PID1: variants seen among roughly 807,000 people sequenced by gnomAD.
PID1 encodes phosphotyrosine interaction domain containing 1, also known as PTB-containing, cubilin and LRP1-interacting protein.
Under a neutral mutation model 19.1 loss-of-function variants are expected in PID1, and 10 were observed. The ratio of observed to expected loss-of-function variants is 0.52; its 90% CI spans 0.32 to 0.89. The LOEUF is 0.89. PID1 is among the 40% of genes least tolerant of loss of function. The probability of loss-of-function intolerance (pLI) is 0.03; values close to 1 mark genes in which losing one functional copy is unlikely to be tolerated. For missense variants in PID1, 248 were observed against 285.3 expected (o/e 0.87, Z 0.94); for synonymous variants, 130 against 116.0 (o/e 1.12, Z -0.78).
chr2:229,036,557 TG>T (rs1158592190), intron 2 of PID1, among the ~76,000 whole-genome samples: 6 of 152,056 alleles, frequency 3.9e-5, no homozygotes, highest in African/African-American at 1.4e-4. Context: ...GAGACCAGCC[TG>T]GCCAACACAG....
chr2:229,043,010 T>A (rs1353703683), intron 2 of PID1, among the ~76,000 whole-genome samples: 1 of 47,836 alleles, frequency 2.1e-5, no homozygotes, highest in African/African-American at 6.9e-5. Context: ...AAGGGAGAAA[T>A]TTTTTTTTTT....
intron 2 of PID1, among the ~76,000 whole-genome samples, chr2:229,032,590 C>G (rs1263443941): frequency 6.6e-6 from 1 of 152,106 alleles, no homozygotes; most frequent in Non-Finnish European, 1.5e-5. Flanking sequence ...ACCCAGGGTG[C>G]TGGAACAAAG....
At chr2:229,031,474 T>G (rs1269666026) in intron 2 of PID1, among the ~76,000 whole-genome samples, 1 of 151,654 alleles carries the variant, frequency 6.6e-6, no homozygotes, top group Non-Finnish European at 1.5e-5. Flanking sequence ...GAGAACTGCT[T>G]GAACCTGAAG....
intron 2 of PID1, among the ~76,000 whole-genome samples, chr2:229,072,294 G>T (rs940573621): frequency 6.6e-6 from 1 of 152,134 alleles, no homozygotes; most frequent in African/African-American, 2.4e-5. Context: ...TATGCTAATT[G>T]TATAAAACTA....
At chr2:229,132,191 T>C (rs1689757087) in intron 2 of PID1, among the ~76,000 whole-genome samples, 1 of 152,174 alleles carries the variant, frequency 6.6e-6, no homozygotes, top group African/African-American at 2.4e-5. Flanking sequence ...GGATAAAGAA[T>C]TAATAGACAA....
Position 229,262,910 on chromosome 2 carries a change from T to C in PID1, c.30+8104A>G, listed in dbSNP as rs555035627. 6 of 1,486,076 alleles carry C rather than the reference T, an allele frequency of 4.0e-6. No individual in the cohort carries two copies. In the South Asian group the frequency reaches 6.9e-5, roughly 17 times the overall value. 92.1% of individuals were successfully genotyped at this position (1,486,076 alleles called of 1,614,324 possible). ...AAATCTCTCCTTATAAGGACATTAGTCATTGGCTCTAGGGTTCACCCTAAT... is the reference window on the plus strand; with the variant it reads ...AAATCTCTCCTTATAAGGACATTAGCCATTGGCTCTAGGGTTCACCCTAAT... On this transcript the variant is annotated intron_variant, in intron 1 of 2. Transcript: ENST00000392055.
intron 2 of PID1, among the ~76,000 whole-genome samples, chr2:229,051,571 C>T (rs1301678370): frequency 6.6e-6 from 1 of 152,126 alleles, no homozygotes; most frequent in Non-Finnish European, 1.5e-5. Context: ...CTCCAGAGCC[C>T]AAGCGATCTG....
At chr2:229,174,357 C>T (rs776408857) in intron 1 of PID1, among the ~76,000 whole-genome samples, 12 of 152,138 alleles carry the variant, frequency 7.9e-5, no homozygotes, top group South Asian at 4.1e-4. Flanking sequence ...ACGGAGCTCA[C>T]GGTCAGGTAA....
intron 1 of PID1, among the ~76,000 whole-genome samples, chr2:229,161,381 C>T (rs141400990): frequency 3.2e-4 from 49 of 152,216 alleles, no homozygotes; most frequent in African/African-American, 1.2e-3. Context: ...CATCCAGGGA[C>T]CCACCTAGAA....
At chr2:229,148,733 A>C (rs1227912299) in intron 2 of PID1, among the ~76,000 whole-genome samples, 2 of 151,492 alleles carry the variant, frequency 1.3e-5, no homozygotes, top group African/African-American at 4.8e-5. Flanking sequence ...GAAAAAAGGA[A>C]GGAAAGGAGG....
chr2:229,182,128 G>C (rs1292678700), intron 1 of PID1, among the ~76,000 whole-genome samples: 1 of 152,134 alleles, frequency 6.6e-6, no homozygotes, highest in Admixed American at 6.5e-5. Flanking sequence ...CAATAATGGT[G>C]GATACCTATC....
intron 2 of PID1, among the ~76,000 whole-genome samples, chr2:229,041,845 T>G (rs1012853046): frequency 1.3e-5 from 2 of 151,780 alleles, no homozygotes; most frequent in Non-Finnish European, 2.9e-5. Flanking sequence ...ACTTCCAAAG[T>G]ATAAAGGTCA....
At position 229,224,619 on chromosome 2, in the gene PID1, C is replaced by T. The variant is rs118062183; in HGVS notation, c.30+46395G>A. On this transcript the variant is annotated intron_variant, in intron 1 of 2. Transcript: ENST00000392055. ...TTTATTCACTTCTTTTACAATGGACCGTCATTGTTGGTAGGCTTTTCAAAA... is the reference window on the plus strand; with the variant it reads ...TTTATTCACTTCTTTTACAATGGACTGTCATTGTTGGTAGGCTTTTCAAAA... Among the ~76,000 whole-genome samples the T allele has an allele frequency of 1.1e-4, 17 of 151,942 alleles. 1 individual carries two copies. The East Asian group carries it at 2.5e-3, about 22-fold the overall frequency.
chr2:229,204,136 C>T lies in PID1; in HGVS notation c.31-48172G>A, dbSNP rs59678440. ...CCATGCCTGAACTCAGTCCCTTCTA[C>T]AGCTAATGAACTTTAAAATGGCAAG... On this transcript the variant is annotated intron_variant, in intron 1 of 2. Transcript: ENST00000392055. 2.4e-3 allele frequency among the ~76,000 whole-genome samples: 361 copies of T among 152,172 alleles called. 7 individuals are homozygous for T. The East Asian group carries it at 0.06, about 25-fold the overall frequency.
intron 2 of PID1, among the ~76,000 whole-genome samples, chr2:229,085,120 A>G (rs560829128): frequency 1.3e-5 from 2 of 152,158 alleles, no homozygotes; most frequent in East Asian, 3.9e-4. Flanking sequence ...AAACTATGAC[A>G]ATTGCAACTA....
intron 2 of PID1, among the ~76,000 whole-genome samples, chr2:229,099,073 C>T (rs1048708970): frequency 6.6e-6 from 1 of 152,172 alleles, no homozygotes; most frequent in Non-Finnish European, 1.5e-5. Flanking sequence ...TGGGAACTTA[C>T]AAGAACCAGA....
chr2:229,043,293 A>C (rs571854648), intron 2 of PID1, among the ~76,000 whole-genome samples: 1 of 149,454 alleles, frequency 6.7e-6, no homozygotes, highest in Non-Finnish European at 1.5e-5. Flanking sequence ...GGTGTGAGCC[A>C]CCATGCCTAG....
At chr2:229,191,055 C>A (rs114314055) in intron 1 of PID1, among the ~76,000 whole-genome samples, 2,003 of 152,090 alleles carry the variant, frequency 0.013, 46 homozygotes, top group African/African-American at 0.046. Flanking sequence ...ACAATGAAAA[C>A]AAAAGATTGG....
At chr2:229,067,434 G>A (rs1694352503) in intron 2 of PID1, among the ~76,000 whole-genome samples, 1 of 152,142 alleles carries the variant, frequency 6.6e-6, no homozygotes, top group Non-Finnish European at 1.5e-5. Context: ...AGAGGATGGG[G>A]GGAATGTGAA....
Sources: allele counts gnomAD v4.1 joint callset (sites outside exome capture counted in the v4.1 genomes callset), GRCh38; gene constraint gnomAD v4.1.1; transcripts MANE v1.5; gene names NCBI Gene and HGNC (gene_info 2026-07-23, HGNC 2026-07-21).